The following SETD1B variants were observed in gnomAD, a reference collection of about 807,000 sequenced individuals.
The protein encoded by SETD1B is histone-lysine N-methyltransferase SETD1B.
Under a neutral mutation model 148.0 loss-of-function variants are expected in SETD1B, and 7 were observed. The ratio of observed to expected loss-of-function variants is 0.05; its 90% CI spans 0.03 to 0.09. The LOEUF (loss-of-function observed/expected upper bound fraction) is 0.09. SETD1B is among the 10% of genes least tolerant of loss of function. The pLI is 1.00. For synonymous variants in SETD1B, 1,361 were observed against 1,186.5 expected, an observed-to-expected ratio of 1.15 and a Z score of -3.02; for missense variants, 2,155 against 2,729.9, an observed-to-expected ratio of 0.79 and a Z score of 4.69.
At position 121,804,635 on chromosome 12, in the gene SETD1B, G is replaced by C. The variant is rs981201106; in HGVS notation, c.-14-89G>C. ...GCGCTGGCAAGGTGGGAGGGGGTGG[G>C]GGCCTGCCGATTGGATTCTTTCGCG... On this transcript the variant is annotated intron_variant, in intron 1 of 16. Transcript: ENST00000604567. This position sits in a 1 kb window ranked among gnomAD's most constrained non-coding sequence, Gnocchi z 4.6. 2 of 1,146,898 alleles carry C rather than the reference G, an allele frequency of 1.7e-6. No homozygotes were observed. Among genetic ancestry groups the C allele is most frequent in the Non-Finnish European group, 2.5e-6 (2 of 812,780 alleles). 71.0% of individuals were successfully genotyped at this position (1,146,898 alleles called of 1,614,324 possible).
the SETD1B span, among the ~76,000 whole-genome samples, chr12:121,792,988 T>C: frequency 6.6e-6 from 1 of 152,194 alleles, no homozygotes. Context: ...GGGCTTGGCC[T>C]CTAGGGCCCC....
In SETD1B at chr12:121,814,579, C is replaced by A; in HGVS notation, c.2364C>A (p.Gly788=). 1 of 1,519,632 alleles carries A rather than the reference C, an allele frequency of 6.6e-7. No individual in the cohort carries two copies. The allele number at this position is 1,519,632 out of a possible 1,614,324, so 94.1% of individuals were successfully genotyped here. A position where few individuals can be genotyped will look rare whatever the true frequency, so the allele number is the denominator to read the frequency against. ...QTQVLSRLMT[G]QGACPYPPFM... is the part of the protein sequence containing the mutation. ...AGGTGCTCAGCCGGCTGATGACGGGCCAGGGCGCCTGCCCCTACCCGCCCT... is the reference window on the plus strand; with the variant it reads ...AGGTGCTCAGCCGGCTGATGACGGGACAGGGCGCCTGCCCCTACCCGCCCT... Residue 788 remains glycine, a synonymous_variant, in exon 7 of 17, where the codon GGC becomes GGA. Transcript: ENST00000604567.
At chr12:121,815,826 T>TC (rs1047434358) in intron 7 of SETD1B, among the ~76,000 whole-genome samples, 2 of 147,094 alleles carry the variant, frequency 1.4e-5, no homozygotes, top group African/African-American at 5.0e-5. Context: ...TTTCTTTCTT[T>TC]TTTTTTTTTT....
At position 121,810,310 on chromosome 12, in the gene SETD1B, GC is replaced by G; in HGVS notation, c.1371del (p.Asp458ThrfsTer50). ...AGCCAGGCACGCCACCCGGCCCGCCGCCCCCCGACACCAACAGCATGGAGCT... is the reference window on the plus strand; with the variant it reads ...AGCCAGGCACGCCACCCGGCCCGCCGCCCCCGACACCAACAGCATGGAGCT... ...EKPGTPPGPP[P>X]PDTNSMELGG... is the part of the protein sequence containing the mutation. On this transcript the variant is annotated frameshift_variant, in exon 6 of 17. Coordinates refer to ENST00000604567, the MANE Select transcript of SETD1B (RefSeq NM_001353345.2). LOFTEE classifies it high-confidence loss of function. This position sits in a 1 kb window ranked among gnomAD's most constrained non-coding sequence, Gnocchi z 7.6. 1 of 1,543,118 alleles carries G rather than the reference GC, an allele frequency of 6.5e-7. No individual in the cohort carries two copies.
Position 121,814,272 on chromosome 12 carries a change from G to A in SETD1B, c.2057G>A (p.Gly686Asp). The change falls in exon 7 of 17, where the codon GGC (glycine) becomes GAC (aspartate). Residue 686 changes from glycine (G) to aspartate (D), a missense_variant. Gly to Asp is a moderately conservative substitution (Grantham distance 94). This residue lies in a region of SETD1B where 295 missense variants were observed against 303.8 expected (regional missense o/e 0.97). Coordinates refer to ENST00000604567, the MANE Select transcript of SETD1B (RefSeq NM_001353345.2). ...ACCCTGCCGCTGCCCCCGCCACCTGGCTTCCCCCCGCTGCCCCCCCCACCA... is the reference window on the plus strand; with the variant it reads ...ACCCTGCCGCTGCCCCCGCCACCTGACTTCCCCCCGCTGCCCCCCCCACCA... ...APTLPLPPPPGFPPLPPPPPP... is the reference protein window; with the variant it reads ...APTLPLPPPPDFPPLPPPPPP... 1 of 1,363,620 alleles carries A rather than the reference G, an allele frequency of 7.3e-7. No homozygotes were observed. Among genetic ancestry groups the A allele is most frequent in the Non-Finnish European group, 9.6e-7 (1 of 1,036,768 alleles). The allele number at this position is 1,363,620 out of a possible 1,614,324, so 84.5% of individuals were successfully genotyped here. A position where few individuals can be genotyped will look rare whatever the true frequency, so the allele number is the denominator to read the frequency against.
chr12:121,832,612 A>G lies in SETD1B; in HGVS notation c.*2373A>G. 3.8e-6 allele frequency: 1 copy of G among 265,264 alleles called. No homozygotes were observed. The highest frequency in any genetic ancestry group is 7.3e-6 in the Non-Finnish European group (1 of 137,698). 16.4% of individuals were successfully genotyped at this position (265,264 alleles called of 1,614,324 possible). A position where few individuals can be genotyped will look rare whatever the true frequency, so the allele number is the denominator to read the frequency against. On this transcript the variant is annotated 3_prime_UTR_variant, in exon 17 of 17. Transcript: ENST00000604567. ...ATACTATGTACCATTGTATTATAGT[A>G]ACTTTTATAAAGCAAACCATAAATA...
chr12:121,830,104 G>A lies in SETD1B; in HGVS notation c.5766G>A (p.Gln1922=), dbSNP rs1357845679. ...CYAKVITVES[Q]KKIVIYSKQH... is the part of the protein sequence containing the mutation. ...CCAAGGTGATCACGGTGGAGTCACA[G>A]AAGAAGATAGTCATCTACTCGAAGC... The change falls in exon 17 of 17, where the codon CAG becomes CAA. Residue 1922 remains glutamine (Q), a synonymous_variant. Transcript: ENST00000604567. This position sits in a 1 kb window ranked among gnomAD's most constrained non-coding sequence, Gnocchi z 5.7. 6.4e-7 allele frequency: 1 copy of A among 1,551,462 alleles called. No individual in the cohort carries two copies. Among genetic ancestry groups the A allele is most frequent in the Non-Finnish European group, 8.7e-7 (1 of 1,146,846 alleles).
At chr12:121,818,925 T>C (rs1450981386) in intron 10 of SETD1B, among the ~76,000 whole-genome samples, 1 of 149,684 alleles carries the variant, frequency 6.7e-6, no homozygotes, top group East Asian at 2.0e-4. Context: ...TTTTCTGTTA[T>C]GTTAATTTTA....
rs1209543995 is a variant in SETD1B at position 121,808,043 on chromosome 12, C to A, written c.545-165C>A. 6.6e-6 allele frequency among the ~76,000 whole-genome samples: 1 copy of A among 151,866 alleles called. No homozygotes were observed. Among genetic ancestry groups the A allele is most frequent in the African/African-American group, 2.4e-5 (1 of 41,308 alleles). On this transcript the variant is annotated intron_variant, in intron 4 of 16. Transcript: ENST00000604567. This position sits in a 1 kb window ranked among gnomAD's most constrained non-coding sequence, Gnocchi z 5.3. The stretch of plus-strand genomic sequence containing the variant: ...GCAGCTTTGTTGAAGAGGTGGGGAC[C>A]CTGAGCGAGGTGCAGAGGGGTGGGA...
rs1876904091 is a variant in SETD1B at position 121,827,659 on chromosome 12, G to A, written c.5469+9G>A. On this transcript the variant is annotated intron_variant, in intron 14 of 16. Coordinates refer to ENST00000604567, the MANE Select transcript of SETD1B (RefSeq NM_001353345.2). ...AGTTCAACCAGCTCAAGGTGAGGCCGGGCTTCACCCAGATCGCCGGGGTGG... is the reference window on the plus strand; with the variant it reads ...AGTTCAACCAGCTCAAGGTGAGGCCAGGCTTCACCCAGATCGCCGGGGTGG... 1.2e-5 allele frequency: 18 copies of A among 1,551,438 alleles called. No individual in the cohort carries two copies. The highest frequency in any genetic ancestry group is 3.6e-5 in the South Asian group (3 of 84,058).
At chr12:121,825,470 A>G in intron 13 of SETD1B, 104 bp downstream of exon 13, 2 of 778,166 alleles carry the variant, frequency 2.6e-6, no homozygotes, top group Non-Finnish European at 3.6e-6. Context: ...TTGTGAGGCC[A>G]GAGGGGCTGG....
chr12:121,819,759 T>C lies in SETD1B; in HGVS notation c.3774T>C (p.Gly1258=). Residue 1258 remains glycine, a synonymous_variant, in exon 11 of 17, where the codon GGT becomes GGC. Transcript: ENST00000604567. ...TGGACGAGCCCCCCTTGCCTGTGGG[T>C]GTTGAAGAGCCAGCGGACTCCAGGG... ...SMLDEPPLPV[G]VEEPADSREP... is the part of the protein sequence containing the mutation. 1 of 1,550,780 alleles carries C rather than the reference T, an allele frequency of 6.4e-7. No homozygotes were observed. The highest frequency in any genetic ancestry group is 1.4e-5 in the African/African-American group (1 of 72,838).
rs1388325464 is a variant in SETD1B at position 121,809,912 on chromosome 12, C to T, written c.967C>T (p.Arg323Cys). The T allele has an allele frequency of 1.9e-6, 3 of 1,551,132 alleles. No homozygotes were observed. The highest frequency in any genetic ancestry group is 2.4e-5 in the East Asian group (1 of 40,920). Residue 323 changes from arginine to cysteine, a missense_variant, in exon 6 of 17, where the codon CGC becomes TGC. Arg to Cys is a radical substitution (Grantham distance 180). Around this residue, in one of 11 missense-constraint regions of SETD1B, gnomAD observed 376 missense variants for 385.0 expected, o/e 0.98. Coordinates refer to ENST00000604567, the MANE Select transcript of SETD1B (RefSeq NM_001353345.2). ...HESKFTDAYN[R>C]RHEHHYVHNS... ...GAGCAAGTTCACGGACGCCTACAAC[C>T]GCCGCCACGAACATCATTATGTACA...
rs147739674 is a variant in SETD1B at position 121,826,200 on chromosome 12, G to A, written c.5337+834G>A. ...TGTTGAGATTATAGGTGTGAGCCAC[G>A]GTACCCAGCTGGAATTTATATTTTA... On this transcript the variant is annotated intron_variant, in intron 13 of 16. Coordinates refer to ENST00000604567, the MANE Select transcript of SETD1B (RefSeq NM_001353345.2). Among the ~76,000 whole-genome samples, 14 of 152,204 alleles carry A rather than the reference G, an allele frequency of 9.2e-5. No homozygotes were observed. The South Asian group carries it at 1.0e-3, about 11-fold the overall frequency.
Position 121,805,688 on chromosome 12 carries a change from A to AT in SETD1B, c.274-147_274-146insT, listed in dbSNP as rs1875705661. ...GCGTGCATTTTTTTTTTCCAAAAAAAATTTTTTTTTTTTTTTTAATTTTTA... is the reference window on the plus strand; with the variant it reads ...GCGTGCATTTTTTTTTTCCAAAAAAATATTTTTTTTTTTTTTTTAATTTTTA... On this transcript the variant is annotated intron_variant, in intron 3 of 16. Coordinates refer to ENST00000604567, the MANE Select transcript of SETD1B (RefSeq NM_001353345.2). This position sits in a 1 kb window ranked among gnomAD's most constrained non-coding sequence, Gnocchi z 4.2. 29 of 667,536 alleles carry AT rather than the reference A, an allele frequency of 4.3e-5. No individual in the cohort carries two copies. The highest frequency in any genetic ancestry group is 1.1e-4 in the South Asian group (3 of 26,250). 41.4% of individuals were successfully genotyped at this position (667,536 alleles called of 1,614,324 possible).
chr12:121,811,083 A>T lies in SETD1B; in HGVS notation c.1890+248A>T, dbSNP rs549835708. On this transcript the variant is annotated intron_variant, in intron 6 of 16. Transcript: ENST00000604567. ...AGAAGGAAAGCATGGCCTAGTTCTG[A>T]TGCTCTCCTTGTTAGGTAAGAAGTC... Among the ~76,000 whole-genome samples, 5 of 152,302 alleles carry T rather than the reference A, an allele frequency of 3.3e-5. No homozygotes were observed. In the East Asian group the frequency reaches 9.6e-4, roughly 29 times the overall value.
chr12:121,810,490 C>T lies in SETD1B; in HGVS notation c.1545C>T (p.Leu515=), dbSNP rs2137552910. 6.5e-7 allele frequency: 1 copy of T among 1,547,428 alleles called. No homozygotes were observed. The highest frequency in any genetic ancestry group is 8.7e-7 in the Non-Finnish European group (1 of 1,147,052). Residue 515 remains leucine (L), a synonymous_variant, in exon 6 of 17, where the codon CTC becomes CTT. Transcript: ENST00000604567. This position sits in a 1 kb window ranked among gnomAD's most constrained non-coding sequence, Gnocchi z 7.6. ...TGAAGGAGCAGCGCACCAAGCTGCTCTTCCTGAGGGAGCCGGACTCGGACA... is the reference window on the plus strand; with the variant it reads ...TGAAGGAGCAGCGCACCAAGCTGCTTTTCCTGAGGGAGCCGGACTCGGACA... The part of the protein sequence containing the change: ...MLLKEQRTKL[L]FLREPDSDTE...
In SETD1B at chr12:121,824,581, A is replaced by G. The variant is rs139229638; in HGVS notation, c.5171-619A>G. On this transcript the variant is annotated intron_variant, in intron 12 of 16. Transcript: ENST00000604567. ...AGAATTGCTTGAACCCGGGAGGCAC[A>G]GGTTGTAGTGAGCCAAGATCGCACC... is the stretch of plus-strand genomic sequence containing the variant. Among the ~76,000 whole-genome samples the G allele has an allele frequency of 1.8e-3, 267 of 152,084 alleles. 2 individuals carry two copies. Among genetic ancestry groups the G allele is most frequent in the African/African-American group, 6.0e-3 (250 of 41,486 alleles).
In SETD1B at chr12:121,827,868, G is replaced by T. The variant is rs762969670; in HGVS notation, c.5589+14G>T. 8.1e-5 allele frequency: 126 copies of T among 1,554,244 alleles called. No homozygotes were observed. The Middle Eastern group carries it at 1.7e-3, about 20-fold the overall frequency. On this transcript the variant is annotated intron_variant, in intron 15 of 16. Transcript: ENST00000604567. ...AATATCCGTCAGGTAGGCACCGCCCGGCAGGATGGGCACCGGGGTGGGCAT... is the reference window on the plus strand; with the variant it reads ...AATATCCGTCAGGTAGGCACCGCCCTGCAGGATGGGCACCGGGGTGGGCAT...
Sources: allele counts gnomAD v4.1 joint callset (sites outside exome capture counted in the v4.1 genomes callset), GRCh38; gene constraint gnomAD v4.1.1; regional missense constraint gnomAD v4.1.1; non-coding constraint Gnocchi (gnomAD v3.1); transcripts MANE v1.5; gene names NCBI Gene and HGNC (gene_info 2026-07-23, HGNC 2026-07-21).